PTPRM: variants seen among roughly 807,000 people sequenced by gnomAD.
PTPRM encodes the protein protein tyrosine phosphatase receptor type M, also known as receptor-type tyrosine-protein phosphatase mu.
In PTPRM, 47 loss-of-function variants were observed where a neutral mutation model predicts 186.7. The ratio of observed to expected loss-of-function variants is 0.25; its 90% CI spans 0.20 to 0.32. The LOEUF (loss-of-function observed/expected upper bound fraction) is 0.32. Ranked by LOEUF, PTPRM falls within the 10% of genes least tolerant of loss-of-function variation. The pLI, the probability that PTPRM is intolerant of heterozygous loss-of-function variation, is 1.00. For synonymous variants in PTPRM, 668 were observed against 674.9 expected (o/e 0.99, Z 0.16); for missense variants, 1,494 against 1,865.0 (o/e 0.80, Z 3.66).
chr18:7,961,593 T>C (rs1388077069), intron 7 of PTPRM, among the ~76,000 whole-genome samples: 1 of 152,272 alleles, frequency 6.6e-6, no homozygotes, highest in Non-Finnish European at 1.5e-5. Context: ...AAATGTTTAC[T>C]AGTAAAGCAT....
At chr18:7,954,340 T>C (rs1263717001) in intron 6 of PTPRM, among the ~76,000 whole-genome samples, 2 of 152,202 alleles carry the variant, frequency 1.3e-5, no homozygotes, top group East Asian at 3.9e-4. Context: ...ACTGCTTTAG[T>C]AAGACTTACT....
chr18:8,351,882 C>T (rs2095536200), intron 23 of PTPRM, among the ~76,000 whole-genome samples: 1 of 152,144 alleles, frequency 6.6e-6, no homozygotes, highest in Non-Finnish European at 1.5e-5. Flanking sequence ...TCCTCAACAC[C>T]AGCTCCTCCA....
intron 7 of PTPRM, among the ~76,000 whole-genome samples, chr18:8,066,163 G>A (rs2089056912): frequency 6.6e-6 from 1 of 152,080 alleles, no homozygotes; most frequent in African/African-American, 2.4e-5. Flanking sequence ...AAACAAAGAA[G>A]CATTGAAATC....
chr18:7,901,107 T>C (rs138460752), intron 3 of PTPRM, among the ~76,000 whole-genome samples: 622 of 152,284 alleles, frequency 4.1e-3, no homozygotes, highest in African/African-American at 0.014. Context: ...TTCCTATGAT[T>C]CCCACTGGGT....
At chr18:8,220,641 C>T (rs2094143370) in intron 14 of PTPRM, among the ~76,000 whole-genome samples, 1 of 152,088 alleles carries the variant, frequency 6.6e-6, no homozygotes, top group South Asian at 2.1e-4. Flanking sequence ...GTAGTTCCTC[C>T]TGAATAAGAC....
chr18:7,774,831 TTTA>T (rs1486160718), intron 2 of PTPRM, among the ~76,000 whole-genome samples: 3 of 152,196 alleles, frequency 2.0e-5, no homozygotes, highest in African/African-American at 4.8e-5. Flanking sequence ...CAAAAAGAAT[TTTA>T]CTTCTTGTTG....
intron 1 of PTPRM, among the ~76,000 whole-genome samples, chr18:7,624,310 G>A (rs926180798): frequency 6.6e-6 from 1 of 152,078 alleles, no homozygotes; most frequent in Non-Finnish European, 1.5e-5. Context: ...TTCATAATAA[G>A]GTCAGAGTAC....
At chr18:7,753,460 A>G (rs939504002) in intron 1 of PTPRM, among the ~76,000 whole-genome samples, 9 of 152,204 alleles carry the variant, frequency 5.9e-5, no homozygotes, top group African/African-American at 2.2e-4. Context: ...TAGCTTGCTT[A>G]TATAATCTTG....
chr18:7,843,518 C>T (rs2046449972), intron 2 of PTPRM, among the ~76,000 whole-genome samples: 1 of 152,156 alleles, frequency 6.6e-6, no homozygotes, highest in Non-Finnish European at 1.5e-5. Flanking sequence ...GACCTACTCC[C>T]AGACTACTAA....
intron 2 of PTPRM, among the ~76,000 whole-genome samples, chr18:7,780,446 A>C (rs1454107480): frequency 6.6e-6 from 1 of 152,136 alleles, no homozygotes; most frequent in Non-Finnish European, 1.5e-5. Flanking sequence ...ATGCATTTGG[A>C]TCTTCTTGAA....
rs1236849167 is a variant in PTPRM at position 7,949,169 on chromosome 18, C to A, written c.664-12C>A. On this transcript the variant is annotated splice_polypyrimidine_tract_variant and intron_variant, in intron 5 of 32. Transcript: ENST00000580170. ...TTGCTTCTTTTTGTCCTCCCCACCC[C>A]ACTTGATACAGGGCATTGATGTGCG... is the stretch of plus-strand genomic sequence containing the variant. 6.3e-7 allele frequency: 1 copy of A among 1,585,044 alleles called. No individual in the cohort carries two copies. The highest frequency in any genetic ancestry group is 8.7e-7 in the Non-Finnish European group (1 of 1,156,048).
At chr18:7,857,411 C>G (rs1227660360) in intron 2 of PTPRM, among the ~76,000 whole-genome samples, 1 of 152,196 alleles carries the variant, frequency 6.6e-6, no homozygotes, top group East Asian at 1.9e-4. Flanking sequence ...CCTTTCGATA[C>G]AGCTGGGATG....
chr18:7,651,507 C>T (rs1419167392), intron 1 of PTPRM, among the ~76,000 whole-genome samples: 1 of 152,142 alleles, frequency 6.6e-6, no homozygotes, highest in Non-Finnish European at 1.5e-5. Context: ...AACTATGCTA[C>T]AAGGCTACAG....
chr18:7,774,421 T>A, intron 2 of PTPRM, 150 bp downstream of exon 2: 3 of 917,634 alleles, frequency 3.3e-6, no homozygotes, highest in Non-Finnish European at 4.9e-6. Context: ...GTGGTGCAAT[T>A]AACAGGATAG....
At chr18:8,146,436 G>A (rs532060530) in intron 14 of PTPRM, among the ~76,000 whole-genome samples, 1 of 151,876 alleles carries the variant, frequency 6.6e-6, no homozygotes, top group Admixed American at 6.6e-5. Flanking sequence ...ATGTTGGTTG[G>A]CTGCATAAAT....
At chr18:7,952,148 A>T (rs545572896) in intron 6 of PTPRM, among the ~76,000 whole-genome samples, 6 of 152,342 alleles carry the variant, frequency 3.9e-5, no homozygotes, top group South Asian at 2.1e-4. Context: ...AACATATTTC[A>T]TACAGTTAAA....
At chr18:7,813,764 T>G (rs1425210491) in intron 2 of PTPRM, among the ~76,000 whole-genome samples, 1 of 152,174 alleles carries the variant, frequency 6.6e-6, no homozygotes, top group Non-Finnish European at 1.5e-5. Flanking sequence ...TTTTCATCTT[T>G]TTTTCCCCCT....
chr18:7,975,799 A>G (rs376224651), intron 7 of PTPRM, among the ~76,000 whole-genome samples: 2 of 152,224 alleles, frequency 1.3e-5, no homozygotes, highest in Admixed American at 6.5e-5. Context: ...ATAGTAAGCT[A>G]TCCCATCTAG....
At chr18:8,114,711 T>C in intron 12 of PTPRM, 80 bp from the exon 13 acceptor site, 1 of 1,159,584 alleles carries the variant, frequency 8.6e-7, no homozygotes, top group Non-Finnish European at 1.3e-6. Flanking sequence ...ATCAGTGCTA[T>C]TTAAATAGAA....
Sources: gnomAD v4.1 joint callset for allele counts (sites outside exome capture counted in the v4.1 genomes callset) on GRCh38, gnomAD v4.1.1 for gene constraint, MANE v1.5 for transcripts, NCBI Gene and HGNC (gene_info 2026-07-23, HGNC 2026-07-21) for gene names.